Variants in WDR70 observed in about 807,000 individuals in gnomAD.
WDR70 encodes the protein WD repeat domain 70.
Under a neutral mutation model 88.6 loss-of-function variants are expected in WDR70, and 53 were observed. The observed-to-expected ratio is 0.60, with a 90% CI of 0.48 to 0.75. The LOEUF (loss-of-function observed/expected upper bound fraction) is 0.75. WDR70 is among the 30% of genes least tolerant of loss of function. The pLI is 0.00. For missense variants in WDR70, 610 were observed against 823.2 expected, an observed-to-expected ratio of 0.74 and a Z score of 3.17; for synonymous variants, 280 against 270.0, an observed-to-expected ratio of 1.04 and a Z score of -0.36.
intron 9 of WDR70, among the ~76,000 whole-genome samples, chr5:37,519,679 G>A (rs1033851932): frequency 1.4e-5 from 2 of 146,980 alleles, no homozygotes; most frequent in Non-Finnish European, 3.0e-5. Flanking sequence ...TCACTTCCCA[G>A]ACGATGGGCG....
At chr5:37,511,661 A>G (rs953713381) in intron 8 of WDR70, among the ~76,000 whole-genome samples, 8 of 152,148 alleles carry the variant, frequency 5.3e-5, no homozygotes. Flanking sequence ...ATATACAACA[A>G]TTTTATCTAC....
chr5:37,707,921 G>GAAAAAA lies in WDR70; in HGVS notation c.1416+4857_1416+4862dup. On this transcript the variant is annotated intron_variant, in intron 13 of 17. Transcript: ENST00000265107. ...AGGGTGAGACTCTGTCTCAAAAAAA[G>GAAAAAA]AAAAAAAAAAAAAAAAAAAAAAAAA... 9.2e-4 allele frequency among the ~76,000 whole-genome samples: 14 copies of GAAAAAA among 15,148 alleles called. 4 individuals carry two copies. The highest frequency in any genetic ancestry group is 1.3e-3 in the Non-Finnish European group (10 of 7,698). 9.9% of individuals were successfully genotyped at this position (15,148 alleles called of 152,430 possible).
chr5:37,489,087 C>T (rs529836529), intron 8 of WDR70, among the ~76,000 whole-genome samples: 1 of 152,306 alleles, frequency 6.6e-6, no homozygotes, highest in South Asian at 2.1e-4. Context: ...GTGTTTTCCT[C>T]AGAGGCTTAG....
intron 10 of WDR70, among the ~76,000 whole-genome samples, chr5:37,661,395 G>A (rs905874011): frequency 2.0e-5 from 3 of 152,164 alleles, no homozygotes; most frequent in African/African-American, 7.2e-5. Context: ...GCCCTATATC[G>A]AAATGTAGTA....
At position 37,746,131 on chromosome 5, in the gene WDR70, A is replaced by C. The variant is rs1380842694; in HGVS notation, c.1878-6355A>C. ...TCACAATTAAGAAACTCACTCAAAA[A>C]CCACACAATTTCATGGAAATTGAAT... On this transcript the variant is annotated intron_variant, in intron 17 of 17. Transcript: ENST00000265107. 3.3e-5 allele frequency among the ~76,000 whole-genome samples: 5 copies of C among 152,216 alleles called. 1 individual carries two copies. The East Asian group carries it at 9.7e-4, about 29-fold the overall frequency.
chr5:37,580,685 G>A (rs556863951), intron 9 of WDR70, among the ~76,000 whole-genome samples: 2 of 152,152 alleles, frequency 1.3e-5, no homozygotes, highest in South Asian at 4.1e-4. Context: ...AGACTAAACT[G>A]GTCTAGGGCA....
At chr5:37,485,415 C>CAAT (rs1561870913) in intron 8 of WDR70, among the ~76,000 whole-genome samples, 1 of 152,120 alleles carries the variant, frequency 6.6e-6, no homozygotes, top group Non-Finnish European at 1.5e-5. Flanking sequence ...AGCTCTCATA[C>CAAT]AATAGTCAGG....
At chr5:37,601,052 A>G (rs1261446176) in intron 9 of WDR70, among the ~76,000 whole-genome samples, 1 of 152,222 alleles carries the variant, frequency 6.6e-6, no homozygotes, top group Non-Finnish European at 1.5e-5. Context: ...AATTGACTCC[A>G]GTACTGTGTT....
chr5:37,419,093 C>T (rs1041711924), intron 5 of WDR70, among the ~76,000 whole-genome samples: 2 of 151,898 alleles, frequency 1.3e-5, no homozygotes, highest in Admixed American at 6.6e-5. Flanking sequence ...ATGGAATGCT[C>T]ATTTTAAAAA....
At chr5:37,582,662 A>G (rs1006798299) in intron 9 of WDR70, among the ~76,000 whole-genome samples, 3 of 152,236 alleles carry the variant, frequency 2.0e-5, no homozygotes, top group African/African-American at 7.2e-5. Flanking sequence ...CTGAGCTTAG[A>G]TGAGATAACA....
intron 10 of WDR70, among the ~76,000 whole-genome samples, chr5:37,616,823 G>A (rs994146618): frequency 6.6e-6 from 1 of 152,122 alleles, no homozygotes; most frequent in Non-Finnish European, 1.5e-5. Flanking sequence ...AATGCTATCA[G>A]AGCATTATAG....
At chr5:37,441,171 A>G (rs1177078560) in intron 6 of WDR70, among the ~76,000 whole-genome samples, 1 of 152,196 alleles carries the variant, frequency 6.6e-6, no homozygotes, top group Non-Finnish European at 1.5e-5. Flanking sequence ...AGCATAATGA[A>G]CGTAGAGGCA....
chr5:37,379,472 T>G lies in WDR70; in HGVS notation c.26-17T>G. ...CGCCGCACTAACTAGGCCGCCTCTC[T>G]TTTCCTCTTGCTCCAGTGACAGGCT... On this transcript the variant is annotated splice_polypyrimidine_tract_variant and intron_variant, in intron 1 of 17. Transcript: ENST00000265107. 1 of 1,613,936 alleles carries G rather than the reference T, an allele frequency of 6.2e-7. No individual in the cohort carries two copies. The highest frequency in any genetic ancestry group is 8.5e-7 in the Non-Finnish European group (1 of 1,179,862).
chr5:37,537,494 T>G (rs1427575762), intron 9 of WDR70, among the ~76,000 whole-genome samples: 1 of 152,168 alleles, frequency 6.6e-6, no homozygotes, highest in Non-Finnish European at 1.5e-5. Context: ...CCGCTACTAC[T>G]CCACAAGGTT....
At chr5:37,525,271 A>C (rs1030477060) in intron 9 of WDR70, among the ~76,000 whole-genome samples, 10 of 152,140 alleles carry the variant, frequency 6.6e-5, no homozygotes, top group African/African-American at 9.7e-5. Flanking sequence ...GAAATTATAA[A>C]AAACCGTCTC....
At chr5:37,402,080 C>T (rs573808661) in intron 5 of WDR70, among the ~76,000 whole-genome samples, 21 of 152,180 alleles carry the variant, frequency 1.4e-4, no homozygotes, top group Admixed American at 1.0e-3. Flanking sequence ...TCTTTATACC[C>T]CTCTTTTTCC....
At chr5:37,455,266 G>C (rs1203839335) in intron 7 of WDR70, among the ~76,000 whole-genome samples, 1 of 135,176 alleles carries the variant, frequency 7.4e-6, no homozygotes, top group Non-Finnish European at 1.6e-5. Flanking sequence ...TTTTTTTGAG[G>C]TAGAGTCTAG....
intron 10 of WDR70, among the ~76,000 whole-genome samples, chr5:37,647,248 G>T (rs1362304915): frequency 6.6e-6 from 1 of 152,094 alleles, no homozygotes; most frequent in African/African-American, 2.4e-5. Flanking sequence ...TTAAATTTAT[G>T]TGATTTAATT....
At chr5:37,521,418 AAGATTTTGGTGCACCCATTATCTGACC>A (rs1464297742) in intron 9 of WDR70, among the ~76,000 whole-genome samples, 2 of 152,148 alleles carry the variant, frequency 1.3e-5, no homozygotes, top group Non-Finnish European at 2.9e-5. Context: ...GATGATTTCT[AAGATTTTGGTGCACCCATTATCTGACC>A]AGATTACACT....
Sources: gnomAD v4.1 joint callset for allele counts (sites outside exome capture counted in the v4.1 genomes callset) on GRCh38, gnomAD v4.1.1 for gene constraint, MANE v1.5 for transcripts, NCBI Gene and HGNC (gene_info 2026-07-23, HGNC 2026-07-21) for gene names.